Variants in SLIT2 observed in about 807,000 individuals in gnomAD.
The protein encoded by SLIT2 is slit homolog 2 protein.
In SLIT2, 41 loss-of-function variants were observed where a neutral mutation model predicts 185.7. The ratio of observed to expected loss-of-function variants is 0.22; its 90% CI spans 0.17 to 0.29. The LOEUF (loss-of-function observed/expected upper bound fraction) is 0.29, where lower values mean the gene tolerates loss of function less well. Among genes scored for constraint, SLIT2 ranks in the 10% least tolerant of loss-of-function variants. SLIT2 has a pLI of 1.00. For synonymous variants in SLIT2, 693 were observed against 680.2 expected (o/e 1.02, Z -0.29); for missense variants, 1,571 against 1,909.0 (o/e 0.82, Z 3.30).
At chr4:20,541,322 TG>T in intron 19 of SLIT2, 130 bp from the exon 20 acceptor site, 1 of 705,044 alleles carries the variant, frequency 1.4e-6, no homozygotes. Flanking sequence ...TGAGTAAGAA[TG>T]GGGACAGGGA....
rs1187827769 is a variant in SLIT2 at position 20,598,209 on chromosome 4, T to C, written c.3562-56T>C. ...ACCTCACTTAGCAGTCTCTTTCTGA[T>C]CAAATACGTTTGGTTGCGTACACAT... On this transcript the variant is annotated intron_variant, in intron 32 of 36. Transcript: ENST00000504154. The C allele has an allele frequency of 5.1e-6, 8 of 1,572,686 alleles. No homozygotes were observed. The Admixed American group carries it at 6.9e-5, about 14-fold the overall frequency.
At chr4:20,448,475 T>C (rs908909406) in intron 4 of SLIT2, among the ~76,000 whole-genome samples, 3 of 151,680 alleles carry the variant, frequency 2.0e-5, no homozygotes, top group Non-Finnish European at 2.9e-5. Flanking sequence ...CATGAGCAAC[T>C]ACACCCAGCC....
chr4:20,506,004 T>A (rs1163953572), intron 9 of SLIT2, among the ~76,000 whole-genome samples: 2 of 152,056 alleles, frequency 1.3e-5, no homozygotes, highest in Non-Finnish European at 2.9e-5. Context: ...ACTGTCTTCA[T>A]CTTCTCATAT....
chr4:20,345,904 A>G (rs1721372597), intron 4 of SLIT2, among the ~76,000 whole-genome samples: 1 of 152,126 alleles, frequency 6.6e-6, no homozygotes, highest in African/African-American at 2.4e-5. Context: ...GTTTCCTGAA[A>G]AGAAGTACCT....
intron 4 of SLIT2, among the ~76,000 whole-genome samples, chr4:20,313,819 G>A (rs773825267): frequency 6.6e-6 from 1 of 152,078 alleles, no homozygotes; most frequent in Non-Finnish European, 1.5e-5. Flanking sequence ...ATCTGAACAC[G>A]AGGTGGCGCT....
intron 4 of SLIT2, among the ~76,000 whole-genome samples, chr4:20,304,335 A>G (rs1717338182): frequency 6.6e-6 from 1 of 152,182 alleles, no homozygotes; most frequent in Admixed American, 6.5e-5. Flanking sequence ...TTGGACTATA[A>G]GGCAGTGGAA....
chr4:20,571,942 A>T (rs1256992034), intron 29 of SLIT2, among the ~76,000 whole-genome samples: 2 of 152,226 alleles, frequency 1.3e-5, no homozygotes, highest in African/African-American at 4.8e-5. Context: ...AAATTCAGAG[A>T]TCTGAGAGCA....
chr4:20,549,138 T>G lies in SLIT2; in HGVS notation c.2489+10T>G. On this transcript the variant is annotated intron_variant, in intron 24 of 36. Coordinates refer to ENST00000504154, the MANE Select transcript of SLIT2 (RefSeq NM_004787.4). ...AGTCTCTTCGATTACTGTAAGCATC[T>G]TGTGTTCAACAGAATATCTCTTTTC... 6.6e-7 allele frequency: 1 copy of G among 1,525,102 alleles called. No individual in the cohort carries two copies. 94.5% of individuals were successfully genotyped at this position (1,525,102 alleles called of 1,614,324 possible). A position where few individuals can be genotyped will look rare whatever the true frequency, so the allele number is the denominator to read the frequency against.
chr4:20,413,340 A>G (rs1282932011), intron 4 of SLIT2, among the ~76,000 whole-genome samples: 1 of 152,032 alleles, frequency 6.6e-6, no homozygotes, highest in African/African-American at 2.4e-5. Context: ...ACATATTTCA[A>G]TATTATTTCA....
intron 4 of SLIT2, among the ~76,000 whole-genome samples, chr4:20,272,684 C>T (rs1027877279): frequency 1.6e-4 from 24 of 152,060 alleles, no homozygotes; most frequent in African/African-American, 5.8e-4. Flanking sequence ...TTTACTGAGA[C>T]TTCTAACGTA....
chr4:20,488,479 C>G (rs936607189), intron 7 of SLIT2, among the ~76,000 whole-genome samples: 1 of 152,070 alleles, frequency 6.6e-6, no homozygotes, highest in African/African-American at 2.4e-5. Context: ...TCTCCCCATT[C>G]TCCCACCCCA....
At chr4:20,542,094 A>G (rs1722846996) in intron 20 of SLIT2, among the ~76,000 whole-genome samples, 1 of 152,170 alleles carries the variant, frequency 6.6e-6, no homozygotes, top group Non-Finnish European at 1.5e-5. Flanking sequence ...ACAGAGAGCT[A>G]ATTTGAGCTT....
At chr4:20,258,644 G>A (rs1025013220) in intron 3 of SLIT2, among the ~76,000 whole-genome samples, 7 of 151,694 alleles carry the variant, frequency 4.6e-5, no homozygotes, top group African/African-American at 1.7e-4. Flanking sequence ...AATGTTTACA[G>A]TATATATCTG....
At chr4:20,421,404 G>A (rs971323245) in intron 4 of SLIT2, among the ~76,000 whole-genome samples, 1 of 152,084 alleles carries the variant, frequency 6.6e-6, no homozygotes, top group African/African-American at 2.4e-5. Context: ...GCTGATTCAC[G>A]ATGAGTTCCT....
At chr4:20,471,547 A>G (rs1715019337) in intron 5 of SLIT2, among the ~76,000 whole-genome samples, 1 of 152,168 alleles carries the variant, frequency 6.6e-6, no homozygotes, top group Admixed American at 6.5e-5. Context: ...AGAGAGTAAA[A>G]GAGAAAAAAA....
At chr4:20,553,719 A>G in intron 25 of SLIT2, 86 bp from the exon 26 acceptor site, 1 of 1,213,746 alleles carries the variant, frequency 8.2e-7, no homozygotes, top group Non-Finnish European at 1.1e-6. Context: ...CTTAGGAAAT[A>G]ACAATACTTC....
In SLIT2 at chr4:20,460,650, C is replaced by T. The variant is rs75020520; in HGVS notation, c.396-7102C>T. On this transcript the variant is annotated intron_variant, in intron 4 of 36. Transcript: ENST00000504154. The stretch of plus-strand genomic sequence containing the variant: ...CCTGCTTCACCTTAACTGCCCCAGC[C>T]GCTGGTAGGCACCATTTTACCCTCT... 6.6e-3 allele frequency among the ~76,000 whole-genome samples: 1,005 copies of T among 152,254 alleles called. 15 individuals carry two copies. Among genetic ancestry groups the T allele is most frequent in the African/African-American group, 0.022 (924 of 41,526 alleles).
chr4:20,362,954 T>C (rs1722856138), intron 4 of SLIT2, among the ~76,000 whole-genome samples: 1 of 152,050 alleles, frequency 6.6e-6, no homozygotes, highest in Non-Finnish European at 1.5e-5. Context: ...GGGATTTTAA[T>C]GTTTAAAAAC....
At chr4:20,603,894 T>A (rs962638793) in intron 33 of SLIT2, among the ~76,000 whole-genome samples, 2 of 152,242 alleles carry the variant, frequency 1.3e-5, no homozygotes, top group Non-Finnish European at 2.9e-5. Flanking sequence ...TATTCTTGTT[T>A]TCAAGATGTT....
Sources: gnomAD v4.1 joint callset for allele counts (sites outside exome capture counted in the v4.1 genomes callset) on GRCh38, gnomAD v4.1.1 for gene constraint, MANE v1.5 for transcripts, NCBI Gene and HGNC (gene_info 2026-07-23, HGNC 2026-07-21) for gene names.